Variants in ARHGEF11 observed in about 807,000 individuals in gnomAD.
The protein encoded by ARHGEF11 is Rho guanine nucleotide exchange factor 11.
In ARHGEF11, 55 loss-of-function variants were observed where a neutral mutation model predicts 193.7. The observed-to-expected ratio is 0.28, with a 90% CI of 0.23 to 0.36. The LOEUF (loss-of-function observed/expected upper bound fraction) is 0.36, where lower values mean the gene tolerates loss of function less well. Among genes scored for constraint, ARHGEF11 ranks in the 10% least tolerant of loss-of-function variants. The probability of loss-of-function intolerance (pLI) is 1.00; values close to 1 mark genes in which losing one functional copy is unlikely to be tolerated. For synonymous variants in ARHGEF11, 693 were observed against 768.0 expected (o/e 0.90, Z 1.62); for missense variants, 1,723 against 2,005.6 (o/e 0.86, Z 2.69).
intron 15 of ARHGEF11, among the ~76,000 whole-genome samples, chr1:156,959,906 C>G (rs1432056226): frequency 7.0e-6 from 1 of 142,658 alleles, no homozygotes; most frequent in Non-Finnish European, 1.5e-5. Context: ...AGTTAGGGAA[C>G]TTATAAAAAC....
At chr1:156,945,417 C>A (rs17410711) in intron 29 of ARHGEF11, 58,695 of 553,206 alleles carry the variant, frequency 0.11, 3,980 homozygotes, top group Non-Finnish European at 0.14. Context: ...TTTGAAGACG[C>A]TGATAGCTCC....
chr1:157,044,869 A>G lies in ARHGEF11; in HGVS notation c.-539T>C, dbSNP rs75018533. The G allele has an allele frequency of 1.5e-5, 3 of 202,676 alleles. No individual in the cohort carries two copies. The highest frequency in any genetic ancestry group is 2.0e-5 in the Non-Finnish European group (2 of 102,402). The allele number at this position is 202,676 out of a possible 1,614,324, so 12.6% of individuals were successfully genotyped here. On this transcript the variant is annotated 5_prime_UTR_variant, in exon 1 of 41. Transcript: ENST00000368194. ...TATCTTTGAGGAAAGGAAAAAAAAAAGGATTAATAAATCCGAAATGGCACT... is the reference window on the plus strand; with the variant it reads ...TATCTTTGAGGAAAGGAAAAAAAAAGGGATTAATAAATCCGAAATGGCACT...
chr1:156,989,357 G>GA (rs754681462), intron 1 of ARHGEF11, among the ~76,000 whole-genome samples: 6 of 151,788 alleles, frequency 4.0e-5, no homozygotes, highest in East Asian at 3.9e-4. Context: ...CTGGATTACT[G>GA]AAAAAAACCT....
chr1:156,976,069 T>C (rs1663207768), intron 7 of ARHGEF11, among the ~76,000 whole-genome samples: 1 of 152,230 alleles, frequency 6.6e-6, no homozygotes, highest in African/African-American at 2.4e-5. Context: ...GAGAGGTTTA[T>C]CTTTGTAACC....
At chr1:157,015,187 C>G (rs1669058907) in intron 1 of ARHGEF11, among the ~76,000 whole-genome samples, 1 of 152,128 alleles carries the variant, frequency 6.6e-6, no homozygotes, top group Non-Finnish European at 1.5e-5. Flanking sequence ...CTCATTTTCC[C>G]CTCTACTTCA....
At chr1:156,994,645 G>T (rs189776639) in intron 1 of ARHGEF11, among the ~76,000 whole-genome samples, 1 of 152,134 alleles carries the variant, frequency 6.6e-6, no homozygotes, top group Non-Finnish European at 1.5e-5. Context: ...CAGAGAACTC[G>T]TGTGTTGAGA....
intron 1 of ARHGEF11, among the ~76,000 whole-genome samples, chr1:157,000,972 G>T (rs1327420027): frequency 2.6e-5 from 4 of 152,160 alleles, no homozygotes; most frequent in African/African-American, 9.7e-5. Flanking sequence ...TGCAGACAGG[G>T]GAGGTTATTC....
At position 156,971,678 on chromosome 1, in the gene ARHGEF11, C is replaced by G. The variant is rs1450906598; in HGVS notation, c.702+19G>C. On this transcript the variant is annotated intron_variant, in intron 8 of 40. Coordinates refer to ENST00000368194, the MANE Select transcript of ARHGEF11 (RefSeq NM_198236.3). ...TCTACTGCATGTGCCCTTACTAGAG[C>G]TGTGCCTACATCACTCACCACTGAG... 6.2e-7 allele frequency: 1 copy of G among 1,611,596 alleles called. No individual in the cohort carries two copies. The highest frequency in any genetic ancestry group is 1.7e-5 in the Admixed American group (1 of 59,942).
chr1:157,031,609 A>G (rs1671316040), intron 1 of ARHGEF11, among the ~76,000 whole-genome samples: 2 of 152,206 alleles, frequency 1.3e-5, no homozygotes, highest in Admixed American at 6.5e-5. Flanking sequence ...ACTAATGCAC[A>G]GGGCAAAAAG....
chr1:157,040,161 G>A (rs1272346015), intron 1 of ARHGEF11, among the ~76,000 whole-genome samples: 1 of 152,150 alleles, frequency 6.6e-6, no homozygotes, highest in Non-Finnish European at 1.5e-5. Context: ...TGTTTCAGCT[G>A]CAAATCCATT....
intron 14 of ARHGEF11, among the ~76,000 whole-genome samples, chr1:156,961,239 A>G (rs1486126590): frequency 6.6e-6 from 1 of 152,218 alleles, no homozygotes; most frequent in Non-Finnish European, 1.5e-5. Flanking sequence ...GGGGCCTCCC[A>G]TCTCTGACTC....
At chr1:156,952,494 G>A (rs2102009737) in intron 21 of ARHGEF11, among the ~76,000 whole-genome samples, 1 of 152,344 alleles carries the variant, frequency 6.6e-6, no homozygotes, top group Non-Finnish European at 1.5e-5. Flanking sequence ...TAGAACAGGG[G>A]TGGGCTAGAA....
intron 5 of ARHGEF11, 118 bp downstream of exon 5, chr1:156,979,111 G>T: frequency 1.1e-6 from 1 of 893,604 alleles, no homozygotes; most frequent in Non-Finnish European, 1.8e-6. Context: ...GACTTTAGCT[G>T]CCTCACATAT....
chr1:157,022,685 T>C (rs1034055556), intron 1 of ARHGEF11, among the ~76,000 whole-genome samples: 7 of 152,128 alleles, frequency 4.6e-5, no homozygotes, highest in Non-Finnish European at 8.8e-5. Flanking sequence ...AAAATTCATA[T>C]GGAAATATAA....
At position 157,010,080 on chromosome 1, in the gene ARHGEF11, C is replaced by A. The variant is rs149881200; in HGVS notation, c.33-23907G>T. Among the ~76,000 whole-genome samples, 63 of 152,228 alleles carry A rather than the reference C, an allele frequency of 4.1e-4. No homozygotes were observed. The East Asian group carries it at 0.011, about 27-fold the overall frequency. On this transcript the variant is annotated intron_variant, in intron 1 of 40. Transcript: ENST00000368194. ...TGGGTGTGATGGCTCATGCCTGTAACCTCAAAACTTAGGGAGGCCAAGGAG... is the reference window on the plus strand; with the variant it reads ...TGGGTGTGATGGCTCATGCCTGTAAACTCAAAACTTAGGGAGGCCAAGGAG...
chr1:156,943,806 G>T, intron 32 of ARHGEF11, 129 bp downstream of exon 32: 1 of 1,202,794 alleles, frequency 8.3e-7, no homozygotes, highest in Non-Finnish European at 1.1e-6. Context: ...GGCTGGGTCA[G>T]GACAGGAGGA....
chr1:157,015,790 C>T (rs1214387700), intron 1 of ARHGEF11, among the ~76,000 whole-genome samples: 1 of 152,238 alleles, frequency 6.6e-6, no homozygotes, highest in African/African-American at 2.4e-5. Context: ...TCTTGGCGAC[C>T]TGGCCCAACG....
rs1033274589 is a variant in ARHGEF11 at position 156,947,868 on chromosome 1, C to G, written c.2242G>C (p.Glu748Gln). The G allele has an allele frequency of 6.2e-7, 1 of 1,614,162 alleles. No homozygotes were observed. The highest frequency in any genetic ancestry group is 1.3e-5 in the African/African-American group (1 of 75,052). The change falls in exon 25 of 41, where the codon GAG becomes CAG. Residue 748 changes from glutamate to glutamine, a missense_variant. Physicochemically the swap from Glu to Gln is conservative, Grantham distance 29. Transcript: ENST00000368194. The part of the protein sequence containing the change: ...EDDLGQLSDL[E>Q]PEPDAQNWQH... ...CAATTTTGGGCATCTGGCTCTGGCT[C>G]CAGGTCAGACAGCTGGCCCAGATCA...
chr1:156,954,609 G>T (rs1490292225), intron 21 of ARHGEF11, among the ~76,000 whole-genome samples: 1 of 152,226 alleles, frequency 6.6e-6, no homozygotes, highest in Non-Finnish European at 1.5e-5. Context: ...AGAAGGAGCT[G>T]TCCCTGCAGG....
Sources: gnomAD v4.1 joint callset for allele counts (sites outside exome capture counted in the v4.1 genomes callset) on GRCh38, gnomAD v4.1.1 for gene constraint, MANE v1.5 for transcripts, NCBI Gene and HGNC (gene_info 2026-07-23, HGNC 2026-07-21) for gene names.